RNPC3: variants seen among roughly 807,000 people sequenced by gnomAD.
RNPC3 encodes the protein RNA-binding region-containing protein 3.
A neutral mutation model predicts 67.5 loss-of-function variants in RNPC3; 48 were observed. That is an observed-to-expected ratio of 0.71 (90% confidence interval 0.56 to 0.90). The LOEUF (loss-of-function observed/expected upper bound fraction) is 0.90. RNPC3 is among the 40% of genes least tolerant of loss of function. The pLI is 0.00. For synonymous variants in RNPC3, 239 were observed against 210.3 expected (o/e 1.14, Z -1.18); for missense variants, 637 against 626.1 (o/e 1.02, Z -0.19).
intron 2 of RNPC3, among the ~76,000 whole-genome samples, chr1:103,532,823 A>T (rs1308043820): frequency 1.3e-5 from 2 of 152,078 alleles, no homozygotes; most frequent in Non-Finnish European, 2.9e-5. Flanking sequence ...TTTGTTGTCT[A>T]TGATAAGCAG....
chr1:103,551,043 A>G lies in RNPC3; in HGVS notation c.1464A>G (p.Gly488=), dbSNP rs938187821. The G allele has an allele frequency of 6.2e-7, 1 of 1,612,308 alleles. No individual in the cohort carries two copies. Among genetic ancestry groups the G allele is most frequent in the African/African-American group, 1.3e-5 (1 of 74,904 alleles). Residue 488 remains glycine, a synonymous_variant, in exon 13 of 15, where the codon GGA becomes GGG. Transcript: ENST00000423855. ...AAAKALKEAN[G]YVLFGKPMVV... ...CAAAAGCCTTAAAGGAAGCTAATGG[A>G]TATGTGCTTTTTGGAAAACCCATGG...
intron 7 of RNPC3, among the ~76,000 whole-genome samples, chr1:103,539,494 A>G (rs548928821): frequency 6.6e-5 from 10 of 152,342 alleles, no homozygotes; most frequent in African/African-American, 2.2e-4. Flanking sequence ...CGGACTAATT[A>G]CTTAACCTCT....
Position 103,547,392 on chromosome 1 carries a change from C to T in RNPC3, c.1361+357C>T, listed in dbSNP as rs566016261. On this transcript the variant is annotated intron_variant, in intron 12 of 14. Transcript: ENST00000423855. ...AAACAGGTCGGTGATGGATTCCGAC[C>T]GTAATCTTCCCTCTAAATACATGGT... Among the ~76,000 whole-genome samples, 6 of 152,186 alleles carry T rather than the reference C, an allele frequency of 3.9e-5. No individual in the cohort carries two copies. The East Asian group carries it at 9.6e-4, about 24-fold the overall frequency.
At position 103,545,041 on chromosome 1, in the gene RNPC3, T is replaced by C; in HGVS notation, c.1146T>C (p.Asp382=). ...DITEEIKEDS[D]EMPSECISRR... ...CAGAGGAGATTAAAGAAGACTCTGA[T>C]GAAATGCCTTCAGAATGTATTTCTA... The change falls in exon 10 of 15, where the codon GAT becomes GAC. Residue 382 remains aspartate (D), a synonymous_variant. Transcript: ENST00000423855. The C allele has an allele frequency of 6.5e-7, 1 of 1,534,488 alleles. No homozygotes were observed. The highest frequency in any genetic ancestry group is 8.7e-7 in the Non-Finnish European group (1 of 1,145,176).
intron 14 of RNPC3, 137 bp from the exon 15 acceptor site, chr1:103,554,897 G>T (rs553298918): frequency 6.6e-6 from 1 of 152,208 alleles, no homozygotes; most frequent in East Asian, 1.9e-4. Context: ...CTTTATAAGC[G>T]GTTTATTTAG....
At chr1:103,540,067 A>G (rs142257509) in intron 7 of RNPC3, among the ~76,000 whole-genome samples, 4,438 of 152,248 alleles carry the variant, frequency 0.029, 96 homozygotes, top group Non-Finnish European at 0.042. Flanking sequence ...GGGTTTCACC[A>G]TGTTGCACAG....
chr1:103,535,438 A>G lies in RNPC3; in HGVS notation c.552A>G (p.Val184=). The change falls in exon 5 of 15, where the codon GTA becomes GTG. Residue 184 remains valine (V), a synonymous_variant. Coordinates refer to ENST00000423855, the MANE Select transcript of RNPC3 (RefSeq NM_017619.4). Reference sequence around the variant, plus strand: ...TGGCAAGCGTGCCTAAGTTCTATGTACAGGTAAGTAGAATAAAACTTTTCC... The same window carrying G: ...TGGCAAGCGTGCCTAAGTTCTATGTGCAGGTAAGTAGAATAAAACTTTTCC... ...NALASVPKFY[V]QVLHLMNKMN... is the part of the protein sequence containing the mutation. 1.3e-6 allele frequency: 2 copies of G among 1,523,242 alleles called. No homozygotes were observed. Among genetic ancestry groups the G allele is most frequent in the Non-Finnish European group, 1.8e-6 (2 of 1,134,812 alleles). The allele number at this position is 1,523,242 out of a possible 1,614,324, so 94.4% of individuals were successfully genotyped here.
intron 13 of RNPC3, 94 bp from the exon 14 acceptor site, chr1:103,551,627 C>A (rs1651389302): frequency 4.0e-6 from 3 of 747,006 alleles, no homozygotes; most frequent in South Asian, 1.8e-5. Flanking sequence ...AATTAAAAAA[C>A]CATACTCCCA....
intron 2 of RNPC3, 149 bp from the exon 3 acceptor site, chr1:103,533,590 T>TTGA: frequency 1.6e-6 from 1 of 613,702 alleles, no homozygotes; most frequent in African/African-American, 1.9e-5. Context: ...TAATAAAGGC[T>TTGA]TGATAGCCTG....
intron 2 of RNPC3, among the ~76,000 whole-genome samples, chr1:103,532,205 A>T (rs1037089329): frequency 1.3e-5 from 2 of 152,158 alleles, no homozygotes; most frequent in Non-Finnish European, 2.9e-5. Flanking sequence ...TTTTTATACC[A>T]GTACCATGCT....
intron 5 of RNPC3, 83 bp downstream of exon 5, chr1:103,535,524 T>C: frequency 1.2e-6 from 1 of 803,206 alleles, no homozygotes; most frequent in Admixed American, 2.6e-5. Context: ...ATAAAAGTAA[T>C]CAGACTAATT....
Position 103,546,983 on chromosome 1 carries a change from A to C in RNPC3, c.1309A>C (p.Lys437Gln). The C allele has an allele frequency of 6.8e-7, 1 of 1,471,768 alleles. No individual in the cohort carries two copies. The highest frequency in any genetic ancestry group is 9.1e-7 in the Non-Finnish European group (1 of 1,094,750). The allele number at this position is 1,471,768 out of a possible 1,614,324, so 91.2% of individuals were successfully genotyped here. ...LAKHVQEKDL[K>Q]YIFGRYVDFS... ...TTTCTTATTGAAATTCTAGGACCTT[A>C]AATATATTTTTGGAAGATATGTTGA... is the stretch of plus-strand genomic sequence containing the variant. Residue 437 changes from lysine to glutamine, a missense_variant, in exon 12 of 15, where the codon AAA becomes CAA. Around this residue, in one of 3 missense-constraint regions of RNPC3, gnomAD observed 96 missense variants for 105.8 expected, o/e 0.91. Coordinates refer to ENST00000423855, the MANE Select transcript of RNPC3 (RefSeq NM_017619.4).
At chr1:103,553,665 G>A (rs1353489348) in intron 14 of RNPC3, 1 of 152,114 alleles carries the variant, frequency 6.6e-6, no homozygotes, top group Non-Finnish European at 1.5e-5. Flanking sequence ...GCTTTCTGTT[G>A]TGTAATATAT....
chr1:103,539,725 T>A (rs1400253440), intron 7 of RNPC3, among the ~76,000 whole-genome samples: 1 of 152,148 alleles, frequency 6.6e-6, no homozygotes, highest in African/African-American at 2.4e-5. Context: ...TAACAAGACC[T>A]AAACAAAAGA....
chr1:103,533,661 A>G (rs1650915335), intron 2 of RNPC3, 78 bp from the exon 3 acceptor site: 2 of 771,038 alleles, frequency 2.6e-6, no homozygotes, highest in South Asian at 3.3e-5. Flanking sequence ...AAAAAAAAAA[A>G]AAAGTATAAA....
intron 1 of RNPC3, 84 bp from the exon 2 acceptor site, chr1:103,527,611 A>G: frequency 1.0e-6 from 1 of 960,654 alleles, no homozygotes; most frequent in Non-Finnish European, 1.6e-6. Context: ...AACATGTCAC[A>G]TTACTCCACT....
intron 4 of RNPC3, 98 bp downstream of exon 4, chr1:103,534,955 A>T (rs1291385964): frequency 3.1e-6 from 2 of 639,160 alleles, no homozygotes; most frequent in Non-Finnish European, 5.2e-6. Flanking sequence ...ATTGTAATAT[A>T]CAGATATCTT....
At position 103,541,397 on chromosome 1, in the gene RNPC3, A is replaced by T; in HGVS notation, c.815A>T (p.Lys272Ile). The change falls in exon 8 of 15, where the codon AAA (lysine) becomes ATA (isoleucine). Residue 272 changes from lysine to isoleucine, a missense_variant. Lys to Ile is a moderately radical substitution (Grantham distance 102). Around this residue, in one of 3 missense-constraint regions of RNPC3, gnomAD observed 536 missense variants for 500.3 expected, o/e 1.07. Coordinates refer to ENST00000423855, the MANE Select transcript of RNPC3 (RefSeq NM_017619.4). ...ELANLQPKRP[K>I]TIKQRHVRKK... ...GCAAATCTTCAGCCCAAAAGACCTA[A>T]AACAATAAAGCAGCGCCATGTGAGA... 6.6e-7 allele frequency: 1 copy of T among 1,510,934 alleles called. No homozygotes were observed. The highest frequency in any genetic ancestry group is 1.2e-5 in the South Asian group (1 of 80,486). The allele number at this position is 1,510,934 out of a possible 1,614,324, so 93.6% of individuals were successfully genotyped here. A position where few individuals can be genotyped will look rare whatever the true frequency, so the allele number is the denominator to read the frequency against.
chr1:103,549,920 T>C (rs1557761543), intron 12 of RNPC3, among the ~76,000 whole-genome samples: 1 of 151,488 alleles, frequency 6.6e-6, no homozygotes, highest in Non-Finnish European at 1.5e-5. Context: ...CCTAGCACAT[T>C]GGGAGGCCGA....
Sources: gnomAD v4.1 joint callset for allele counts (sites outside exome capture counted in the v4.1 genomes callset) on GRCh38, gnomAD v4.1.1 for gene constraint, gnomAD v4.1.1 regional missense constraint, MANE v1.5 for transcripts, NCBI Gene and HGNC (gene_info 2026-07-23, HGNC 2026-07-21) for gene names.